KCNQ3: variants seen among roughly 807,000 people sequenced by gnomAD.
The protein encoded by KCNQ3 is potassium voltage-gated channel subfamily KQT member 3.
KCNQ3 carries 30 observed loss-of-function variants against 92.5 expected under a neutral mutation model. The ratio of observed to expected loss-of-function variants is 0.32; its 90% CI spans 0.24 to 0.44. The LOEUF (loss-of-function observed/expected upper bound fraction) is 0.44. Ranked by LOEUF, KCNQ3 falls within the 20% of genes least tolerant of loss-of-function variation. The probability of loss-of-function intolerance (pLI) is 1.00; values close to 1 mark genes in which losing one functional copy is unlikely to be tolerated. For synonymous variants in KCNQ3, 450 were observed against 468.8 expected (o/e 0.96, Z 0.52); for missense variants, 913 against 1,140.3 (o/e 0.80, Z 2.87).
chr8:132,221,633 C>T (rs1264227511), intron 1 of KCNQ3, among the ~76,000 whole-genome samples: 1 of 152,154 alleles, frequency 6.6e-6, no homozygotes, highest in Non-Finnish European at 1.5e-5. Context: ...AGTGTCTGTT[C>T]ATATCCTTTG....
At chr8:132,368,524 A>T (rs1819384340) in intron 1 of KCNQ3, among the ~76,000 whole-genome samples, 1 of 152,082 alleles carries the variant, frequency 6.6e-6, no homozygotes. Flanking sequence ...GTGGTAGCAC[A>T]TGCTTGTAGT....
intron 1 of KCNQ3, among the ~76,000 whole-genome samples, chr8:132,340,715 C>T (rs1818505400): frequency 6.6e-6 from 1 of 152,080 alleles, no homozygotes; most frequent in South Asian, 2.1e-4. Context: ...CAGAAAACCA[C>T]CATGACGCAT....
intron 1 of KCNQ3, among the ~76,000 whole-genome samples, chr8:132,200,363 T>A (rs761492776): frequency 5.3e-5 from 8 of 151,246 alleles, no homozygotes; most frequent in Non-Finnish European, 1.0e-4. Context: ...AAGACCTGAG[T>A]AGTTGCAATA....
chr8:132,387,956 A>G (rs1029573570), intron 1 of KCNQ3, among the ~76,000 whole-genome samples: 1 of 151,330 alleles, frequency 6.6e-6, no homozygotes, highest in Admixed American at 6.6e-5. Flanking sequence ...GAAGAAGGAG[A>G]AGAAGAAGAA....
chr8:132,268,373 T>C (rs751333939), intron 1 of KCNQ3, among the ~76,000 whole-genome samples: 7 of 152,164 alleles, frequency 4.6e-5, no homozygotes, highest in Non-Finnish European at 8.8e-5. Context: ...CAAGAGATTC[T>C]CCTGCCTCAG....
intron 1 of KCNQ3, among the ~76,000 whole-genome samples, chr8:132,206,928 C>T (rs897069170): frequency 2.6e-5 from 4 of 151,922 alleles, no homozygotes; most frequent in African/African-American, 9.7e-5. Context: ...AAGATGCATT[C>T]TTAGATTGTT....
At chr8:132,245,795 T>G (rs1815153319) in intron 1 of KCNQ3, among the ~76,000 whole-genome samples, 1 of 152,232 alleles carries the variant, frequency 6.6e-6, no homozygotes, top group Non-Finnish European at 1.5e-5. Flanking sequence ...TCAACATATA[T>G]GCTGCTACAT....
intron 1 of KCNQ3, among the ~76,000 whole-genome samples, chr8:132,254,173 T>C (rs1008140030): frequency 1.3e-5 from 2 of 152,166 alleles, no homozygotes; most frequent in African/African-American, 4.8e-5. Context: ...CATGTGCCCA[T>C]GGAAGTGTGA....
intron 1 of KCNQ3, among the ~76,000 whole-genome samples, chr8:132,249,291 A>G (rs988326609): frequency 6.6e-6 from 1 of 152,120 alleles, no homozygotes; most frequent in African/African-American, 2.4e-5. Context: ...CGATTGGTCC[A>G]TTTTACAGAG....
chr8:132,328,056 T>C (rs1818111743), intron 1 of KCNQ3, among the ~76,000 whole-genome samples: 2 of 152,134 alleles, frequency 1.3e-5, no homozygotes, highest in Admixed American at 1.3e-4. Context: ...ATGCCTGCTC[T>C]CTGCAGTCAC....
chr8:132,248,704 T>G (rs1403404135), intron 1 of KCNQ3, among the ~76,000 whole-genome samples: 3 of 152,222 alleles, frequency 2.0e-5, no homozygotes, highest in Admixed American at 2.0e-4. Flanking sequence ...CCACCAGAAC[T>G]GGGCACAGGC....
chr8:132,177,898 T>C (rs577391994), intron 4 of KCNQ3, among the ~76,000 whole-genome samples: 14 of 152,320 alleles, frequency 9.2e-5, no homozygotes. Context: ...AACATGTACT[T>C]TGGAGTCTAA....
chr8:132,427,754 G>A (rs572608174), intron 1 of KCNQ3, among the ~76,000 whole-genome samples: 1 of 152,262 alleles, frequency 6.6e-6, no homozygotes, highest in South Asian at 2.1e-4. Flanking sequence ...GAGGAAGACC[G>A]GGGGTAAAGC....
At chr8:132,237,403 C>G (rs1325804211) in intron 1 of KCNQ3, among the ~76,000 whole-genome samples, 2 of 152,140 alleles carry the variant, frequency 1.3e-5, no homozygotes, top group Non-Finnish European at 2.9e-5. Flanking sequence ...AAGACAGGAA[C>G]TAGTATTTTC....
At chr8:132,436,198 G>A (rs1469138960) in intron 1 of KCNQ3, among the ~76,000 whole-genome samples, 1 of 152,056 alleles carries the variant, frequency 6.6e-6, no homozygotes. Flanking sequence ...ATGTGGAGAA[G>A]GGAATTATCA....
intron 3 of KCNQ3, among the ~76,000 whole-genome samples, chr8:132,181,075 T>C (rs926591041): frequency 2.0e-5 from 3 of 152,048 alleles, no homozygotes; most frequent in Admixed American, 6.5e-5. Context: ...TTTGGAAAGA[T>C]GTAAGGCCCA....
intron 1 of KCNQ3, among the ~76,000 whole-genome samples, chr8:132,282,862 A>G (rs887212510): frequency 6.6e-6 from 1 of 152,208 alleles, no homozygotes; most frequent in African/African-American, 2.4e-5. Context: ...CCCAATGACC[A>G]CTAGGGTGCT....
At chr8:132,299,403 C>G (rs1437151699) in intron 1 of KCNQ3, among the ~76,000 whole-genome samples, 6 of 152,092 alleles carry the variant, frequency 3.9e-5, no homozygotes, top group Non-Finnish European at 4.4e-5. Flanking sequence ...GAGGTGTTTT[C>G]AGAGCATTTG....
chr8:132,320,673 T>C (rs1258596610), intron 1 of KCNQ3, among the ~76,000 whole-genome samples: 2 of 152,054 alleles, frequency 1.3e-5, no homozygotes, highest in Non-Finnish European at 2.9e-5. Flanking sequence ...ATCTAATACA[T>C]ACTGACAGCC....
Sources: allele counts gnomAD v4.1 joint callset (sites outside exome capture counted in the v4.1 genomes callset), GRCh38; gene constraint gnomAD v4.1.1; transcripts MANE v1.5; gene names NCBI Gene and HGNC (gene_info 2026-07-23, HGNC 2026-07-21).